GRM8: variants seen among roughly 807,000 people sequenced by gnomAD.
GRM8 encodes the protein metabotropic glutamate receptor 8.
Under a neutral mutation model 87.2 loss-of-function variants are expected in GRM8, and 47 were observed. The ratio of observed to expected loss-of-function variants is 0.54; its 90% CI spans 0.43 to 0.69. The LOEUF is 0.69. Ranked by LOEUF, GRM8 falls within the 30% of genes least tolerant of loss-of-function variation. The pLI, the probability that GRM8 is intolerant of heterozygous loss-of-function variation, is 0.00. For missense variants in GRM8, 1,019 were observed against 1,139.2 expected, an observed-to-expected ratio of 0.89 and a Z score of 1.52; for synonymous variants, 396 against 404.5, an observed-to-expected ratio of 0.98 and a Z score of 0.25.
chr7:126,574,790 A>T (rs1273707309), intron 8 of GRM8, among the ~76,000 whole-genome samples: 3 of 151,994 alleles, frequency 2.0e-5, no homozygotes, highest in Non-Finnish European at 4.4e-5. Context: ...AATTTTTTTT[A>T]GACTGTTTTG....
chr7:126,751,811 C>A (rs1479539652), intron 7 of GRM8, among the ~76,000 whole-genome samples: 2 of 152,168 alleles, frequency 1.3e-5, no homozygotes, highest in Non-Finnish European at 2.9e-5. Context: ...CAATCTGCCC[C>A]AGGCCTTCTC....
intron 2 of GRM8, among the ~76,000 whole-genome samples, chr7:127,123,606 AC>A (rs1827201255): frequency 6.6e-6 from 1 of 151,852 alleles, no homozygotes; most frequent in African/African-American, 2.4e-5. Flanking sequence ...AGCCAAATAA[AC>A]CTTTTTTCTT....
chr7:126,637,414 C>A (rs1048976454), intron 7 of GRM8, among the ~76,000 whole-genome samples: 1 of 151,514 alleles, frequency 6.6e-6, no homozygotes, highest in Admixed American at 6.6e-5. Context: ...CTTCACATCA[C>A]GAAACTCAAA....
rs550333577 is a variant in GRM8, at chr7:126,440,602, T to C, written c.2678-1434A>G. Reference sequence around the variant, plus strand: ...TATTTTTACTGTATCTTTACTATGTTTAGATATGTTTAGATATACAAATAT... The same window carrying C: ...TATTTTTACTGTATCTTTACTATGTCTAGATATGTTTAGATATACAAATAT... On this transcript the variant is annotated intron_variant, in intron 10 of 10. Coordinates refer to ENST00000339582, the MANE Select transcript of GRM8 (RefSeq NM_000845.3). 8.5e-5 allele frequency among the ~76,000 whole-genome samples: 13 copies of C among 152,102 alleles called. No individual in the cohort carries two copies. In the South Asian group the frequency reaches 2.5e-3, roughly 29 times the overall value.
At chr7:126,995,722 A>T (rs189617008) in intron 3 of GRM8, among the ~76,000 whole-genome samples, 45 of 152,282 alleles carry the variant, frequency 3.0e-4, no homozygotes, top group African/African-American at 1.1e-3. Context: ...AATCTAGAAA[A>T]TAGCTTCAAA....
chr7:126,565,520 A>G (rs1266464057), intron 8 of GRM8, among the ~76,000 whole-genome samples: 1 of 152,152 alleles, frequency 6.6e-6, no homozygotes, highest in Non-Finnish European at 1.5e-5. Context: ...TGAAAATTAA[A>G]GAATATTGAT....
intron 2 of GRM8, among the ~76,000 whole-genome samples, chr7:127,190,921 G>C (rs1349541849): frequency 2.6e-5 from 4 of 151,972 alleles, no homozygotes; most frequent in Non-Finnish European, 5.9e-5. Context: ...CAAATGGTCT[G>C]GTAAAACACT....
At chr7:127,189,437 G>C (rs904624643) in intron 2 of GRM8, among the ~76,000 whole-genome samples, 1 of 151,970 alleles carries the variant, frequency 6.6e-6, no homozygotes, top group Non-Finnish European at 1.5e-5. Context: ...TTTCTTTTTC[G>C]TTCTCCTGAT....
chr7:127,163,101 T>A (rs1793219827), intron 2 of GRM8, among the ~76,000 whole-genome samples: 1 of 152,132 alleles, frequency 6.6e-6, no homozygotes, highest in Non-Finnish European at 1.5e-5. Flanking sequence ...AGTAGGCTGT[T>A]CTTGTATTGC....
intron 6 of GRM8, among the ~76,000 whole-genome samples, chr7:126,853,612 C>T (rs1462619500): frequency 1.3e-5 from 2 of 151,634 alleles, no homozygotes; most frequent in Non-Finnish European, 2.9e-5. Flanking sequence ...GACTTAAATT[C>T]GATATCATTG....
intron 3 of GRM8, chr7:127,090,928 C>G (rs1824000162): frequency 6.6e-6 from 1 of 152,266 alleles, no homozygotes; most frequent in East Asian, 1.9e-4. Context: ...CCATCTATTC[C>G]TTCATTCAAC....
At chr7:126,771,282 GTTTA>G (rs1173192944) in intron 6 of GRM8, among the ~76,000 whole-genome samples, 1 of 151,418 alleles carries the variant, frequency 6.6e-6, no homozygotes, top group Admixed American at 6.6e-5. Context: ...ATAGTGGTCA[GTTTA>G]TTTATTTTTA....
intron 3 of GRM8, among the ~76,000 whole-genome samples, chr7:126,945,709 A>G (rs1449046133): frequency 6.6e-6 from 1 of 152,244 alleles, no homozygotes; most frequent in Non-Finnish European, 1.5e-5. Flanking sequence ...TTCTGGTCCC[A>G]GGCATTTCAG....
intron 9 of GRM8, among the ~76,000 whole-genome samples, chr7:126,452,436 A>AAG (rs1802725513): frequency 6.6e-6 from 1 of 151,150 alleles, no homozygotes; most frequent in South Asian, 2.1e-4. Context: ...AGTATAATAA[A>AAG]AAAAAAAAAG....
At chr7:126,988,365 G>A (rs1166243713) in intron 3 of GRM8, among the ~76,000 whole-genome samples, 1 of 152,162 alleles carries the variant, frequency 6.6e-6, no homozygotes, top group East Asian at 1.9e-4. Flanking sequence ...ACAATAATTT[G>A]AACCTAACTT....
At chr7:126,897,362 CAAGT>C (rs1342001319) in intron 6 of GRM8, among the ~76,000 whole-genome samples, 10 of 151,942 alleles carry the variant, frequency 6.6e-5, no homozygotes, top group Non-Finnish European at 1.3e-4. Context: ...AAAACAAGGT[CAAGT>C]AAGGGACTGA....
intron 3 of GRM8, among the ~76,000 whole-genome samples, chr7:127,000,158 C>T (rs1042028111): frequency 2.6e-5 from 4 of 151,658 alleles, no homozygotes; most frequent in African/African-American, 7.3e-5. Flanking sequence ...ATAAACTTTG[C>T]ATGTTCTCAC....
intron 3 of GRM8, among the ~76,000 whole-genome samples, chr7:126,912,358 C>A (rs942781493): frequency 4.6e-5 from 7 of 152,306 alleles, no homozygotes; most frequent in African/African-American, 7.2e-5. Flanking sequence ...TGAACTCAGC[C>A]TGACTGCTTG....
intron 3 of GRM8, among the ~76,000 whole-genome samples, chr7:127,023,683 A>C (rs572817907): frequency 6.6e-6 from 1 of 152,190 alleles, no homozygotes; most frequent in African/African-American, 2.4e-5. Context: ...TCAACTAAAA[A>C]CTGTAAAACT....
Sources: gnomAD v4.1 joint callset for allele counts (sites outside exome capture counted in the v4.1 genomes callset) on GRCh38, gnomAD v4.1.1 for gene constraint, MANE v1.5 for transcripts, NCBI Gene and HGNC (gene_info 2026-07-23, HGNC 2026-07-21) for gene names.